PDZD2: variants seen among roughly 807,000 people sequenced by gnomAD.
The protein encoded by PDZD2 is PDZ domain containing 2.
Under a neutral mutation model 220.7 loss-of-function variants are expected in PDZD2, and 90 were observed. The observed-to-expected ratio is 0.41, with a 90% CI of 0.34 to 0.49. The LOEUF (loss-of-function observed/expected upper bound fraction) is 0.49. Ranked by LOEUF, PDZD2 falls within the 20% of genes least tolerant of loss-of-function variation. The pLI is 0.28. For synonymous variants in PDZD2, 1,375 were observed against 1,450.5 expected, an observed-to-expected ratio of 0.95 and a Z score of 1.18; for missense variants, 3,174 against 3,608.5, an observed-to-expected ratio of 0.88 and a Z score of 3.08.
In PDZD2 at chr5:31,860,294, C is replaced by T. The variant is rs985853461; in HGVS notation, c.476+60570C>T. Among the ~76,000 whole-genome samples the T allele has an allele frequency of 7.9e-5, 12 of 152,234 alleles. No homozygotes were observed. The East Asian group carries it at 2.3e-3, about 29-fold the overall frequency. On this transcript the variant is annotated intron_variant, in intron 2 of 24. Transcript: ENST00000438447. ...CTAGGGCCAAGGTGATTTAGGGTCC[C>T]TTCCGCCTCAGTGCATGTTGCCCCC... is the stretch of plus-strand genomic sequence containing the variant.
rs149847869 is a variant in PDZD2 at position 32,077,588 on chromosome 5, G to A, written c.3664G>A (p.Gly1222Arg). ...CCTGCCCAAAGCTGCATCAGAGCTG[G>A]GGCAACAACCCATGACTGGTAAGAT... is the stretch of plus-strand genomic sequence containing the variant. ...ENLPKAASELGQQPMTELDSS... is the reference protein window; with the variant it reads ...ENLPKAASELRQQPMTELDSS... Residue 1222 changes from glycine (G) to arginine (R), a missense_variant, in exon 19 of 25, where the codon GGG becomes AGG. Transcript: ENST00000438447. 2.4e-5 allele frequency: 38 copies of A among 1,614,076 alleles called. No individual in the cohort carries two copies. The African/African-American group carries it at 3.6e-4, about 15-fold the overall frequency.
intron 15 of PDZD2, among the ~76,000 whole-genome samples, chr5:32,070,632 A>G (rs1308472142): frequency 1.3e-5 from 2 of 152,236 alleles, no homozygotes; most frequent in Admixed American, 1.3e-4. Context: ...GGTGATGTTC[A>G]TTTGTTCATT....
intron 2 of PDZD2, among the ~76,000 whole-genome samples, chr5:31,863,754 C>T (rs536120143): frequency 5.9e-5 from 9 of 152,172 alleles, no homozygotes; most frequent in Non-Finnish European, 8.8e-5. Context: ...ATAAGCATTC[C>T]GTGGAAGTTT....
At chr5:31,849,871 C>CATATAT (rs1205582836) in intron 2 of PDZD2, among the ~76,000 whole-genome samples, 1 of 50,540 alleles carries the variant, frequency 2.0e-5, no homozygotes, top group East Asian at 5.9e-4. Flanking sequence ...TATATATATA[C>CATATAT]ATATATATAT....
intron 2 of PDZD2, among the ~76,000 whole-genome samples, chr5:31,941,345 T>G (rs1283720018): frequency 1.3e-5 from 2 of 152,228 alleles, no homozygotes; most frequent in Non-Finnish European, 2.9e-5. Context: ...GCTTGACTTT[T>G]GGCAGTAAGC....
At chr5:31,923,438 C>T in intron 2 of PDZD2, 8 of 1,144,576 alleles carry the variant, frequency 7.0e-6, no homozygotes, top group Admixed American at 1.7e-5. Context: ...TTGCCATCCA[C>T]TTGGGCTTTA....
Position 31,902,025 on chromosome 5 carries a change from G to A in PDZD2, c.477-81130G>A, listed in dbSNP as rs1208083536. ...GGGTTGTTTTCACATTTTGGCTATCGTAAATAATACTGCTACGAACATTCA... is the reference window on the plus strand; with the variant it reads ...GGGTTGTTTTCACATTTTGGCTATCATAAATAATACTGCTACGAACATTCA... On this transcript the variant is annotated intron_variant, in intron 2 of 24. Transcript: ENST00000438447. 1.1e-4 allele frequency among the ~76,000 whole-genome samples: 17 copies of A among 152,284 alleles called. No homozygotes were observed. The South Asian group carries it at 2.9e-3, about 26-fold the overall frequency.
intron 1 of PDZD2, among the ~76,000 whole-genome samples, chr5:31,778,722 G>A (rs996620384): frequency 1.3e-5 from 2 of 152,144 alleles, no homozygotes; most frequent in Non-Finnish European, 2.9e-5. Context: ...AAGTCAGTGA[G>A]ACCAAGAACC....
chr5:31,681,316 G>A (rs1446862134), intron 1 of PDZD2, among the ~76,000 whole-genome samples: 4 of 151,966 alleles, frequency 2.6e-5, no homozygotes, highest in Non-Finnish European at 5.9e-5. Context: ...GCACAATCTC[G>A]GCTCACTGCA....
At chr5:31,722,106 C>G (rs1748843112) in intron 1 of PDZD2, among the ~76,000 whole-genome samples, 1 of 152,226 alleles carries the variant, frequency 6.6e-6, no homozygotes, top group South Asian at 2.1e-4. Flanking sequence ...CCAGCCTAGA[C>G]AACCTCACAT....
intron 2 of PDZD2, among the ~76,000 whole-genome samples, chr5:31,951,950 T>C (rs1232928613): frequency 6.6e-6 from 1 of 152,232 alleles, no homozygotes; most frequent in Non-Finnish European, 1.5e-5. Flanking sequence ...TTTGTTTTTG[T>C]CTTAGATTTT....
intron 1 of PDZD2, among the ~76,000 whole-genome samples, chr5:31,681,993 C>A (rs896322941): frequency 2.0e-4 from 31 of 152,154 alleles, no homozygotes; most frequent in African/African-American, 7.5e-4. Context: ...AGTATAGGAC[C>A]AAAAGAGGGC....
chr5:31,828,580 CA>C (rs1226634365), intron 2 of PDZD2, among the ~76,000 whole-genome samples: 21 of 152,350 alleles, frequency 1.4e-4, no homozygotes, highest in African/African-American at 4.3e-4. Flanking sequence ...ACTGTAGCCT[CA>C]ACCTCCTGGG....
In PDZD2 at chr5:32,104,324, G is replaced by GT; in HGVS notation, c.8353+3086dup. Among the ~76,000 whole-genome samples, 2 of 152,018 alleles carry GT rather than the reference G, an allele frequency of 1.3e-5. 1 individual carries two copies. The highest frequency in any genetic ancestry group is 6.8e-3 in the Middle Eastern group (2 of 292). On this transcript the variant is annotated intron_variant, in intron 24 of 24. Transcript: ENST00000438447. ...AATATAGCAAGACTGATTTCTTTGA[G>GT]TAAGGTTATTACAGAACAAGCATTT...
In PDZD2 at chr5:32,090,562, C is replaced by G. The variant is rs146757034; in HGVS notation, c.7114C>G (p.Arg2372Gly). The G allele has an allele frequency of 3.8e-4, 616 of 1,613,880 alleles. 5 individuals carry two copies. The African/African-American group carries it at 7.6e-3, about 20-fold the overall frequency. ...GAGCTCCAAGCCTCCCATTGGGAGG[C>G]GGTCTTCCGGCAGCATTGTTTCCGG... Reference protein sequence around the residue: ...SVSSKPPIGRRSSGSIVSGSL... With the variant: ...SVSSKPPIGRGSSGSIVSGSL... The change falls in exon 20 of 25, where the codon CGG becomes GGG. Residue 2372 changes from arginine to glycine, a missense_variant. By Grantham distance (125) the Arg-to-Gly change is moderately radical. This residue lies in a region of PDZD2 where 631 missense variants were observed against 789.9 expected (regional missense o/e 0.80). Transcript: ENST00000438447. This position sits in a 1 kb window ranked among gnomAD's most constrained non-coding sequence, Gnocchi z 4.3.
At chr5:32,001,071 C>T (rs942199077) in intron 5 of PDZD2, among the ~76,000 whole-genome samples, 1 of 152,240 alleles carries the variant, frequency 6.6e-6, no homozygotes, top group Non-Finnish European at 1.5e-5. Context: ...AATGCCTGAT[C>T]ATCTGAGGTG....
At chr5:31,951,021 C>T (rs555239245) in intron 2 of PDZD2, among the ~76,000 whole-genome samples, 1 of 152,274 alleles carries the variant, frequency 6.6e-6, no homozygotes, top group South Asian at 2.1e-4. Context: ...CTTGCTGTAC[C>T]TGCACATGGT....
At chr5:32,107,324 T>TATCA (rs1426039008) in intron 24 of PDZD2, 4 of 152,208 alleles carry the variant, frequency 2.6e-5, no homozygotes, top group Admixed American at 6.6e-5. Flanking sequence ...AACTTGCATA[T>TATCA]ATCAGCCAGA....
intron 21 of PDZD2, among the ~76,000 whole-genome samples, chr5:32,093,882 G>A (rs1280664397): frequency 2.0e-5 from 3 of 152,146 alleles, no homozygotes; most frequent in Non-Finnish European, 2.9e-5. Context: ...GGAGGCTAAG[G>A]CGAGAGGATT....
Sources: allele counts gnomAD v4.1 joint callset (sites outside exome capture counted in the v4.1 genomes callset), GRCh38; gene constraint gnomAD v4.1.1; regional missense constraint gnomAD v4.1.1; non-coding constraint Gnocchi (gnomAD v3.1); transcripts MANE v1.5; gene names NCBI Gene and HGNC (gene_info 2026-07-23, HGNC 2026-07-21).